ADAMTSL2: variants seen among roughly 807,000 people sequenced by gnomAD.
ADAMTSL2 encodes the protein ADAMTS like 2.
A neutral mutation model predicts 117.0 loss-of-function variants in ADAMTSL2; 55 were observed. The ratio of observed to expected loss-of-function variants is 0.47; its 90% confidence interval spans 0.38 to 0.59. ADAMTSL2 has a LOEUF of 0.59. ADAMTSL2 is among the 20% of genes least tolerant of loss of function. The pLI, the probability that ADAMTSL2 is intolerant of heterozygous loss-of-function variation, is 0.00. For missense variants in ADAMTSL2, 1,182 were observed against 1,354.5 expected (o/e 0.87, Z 2.00); for synonymous variants, 572 against 566.4 (o/e 1.01, Z -0.14).
In ADAMTSL2 at chr9:133,561,144, T is replaced by C; in HGVS notation, c.1650-54T>C. ...CTCCCTCGCCTGAAAAGCCGGAGCC[T>C]GCCGGTGGGGCCTGGAGCGTCTCAT... On this transcript the variant is annotated intron_variant, in intron 11 of 18. Coordinates refer to ENST00000651351, the MANE Select transcript of ADAMTSL2 (RefSeq NM_014694.4). 4.7e-6 allele frequency: 7 copies of C among 1,480,316 alleles called. No individual in the cohort carries two copies. The South Asian group carries it at 8.4e-5, about 18-fold the overall frequency. The allele number at this position is 1,480,316 out of a possible 1,614,324, so 91.7% of individuals were successfully genotyped here.
intron 5 of ADAMTSL2, 148 bp downstream of exon 5, chr9:133,540,021 T>A (rs762650481): frequency 3.9e-6 from 3 of 764,036 alleles, no homozygotes; most frequent in Non-Finnish European, 6.7e-6. Context: ...CTGGGTCTCC[T>A]GAGCCCTGGC....
At position 133,559,190 on chromosome 9, in the gene ADAMTSL2, C is replaced by T. The variant is rs1384056743; in HGVS notation, c.1650-2008C>T. Among the ~76,000 whole-genome samples the T allele has an allele frequency of 3.3e-5, 5 of 152,260 alleles. No homozygotes were observed. The East Asian group carries it at 5.8e-4, about 18-fold the overall frequency. Reference sequence around the variant, plus strand: ...CAGCACAGTTTAGTGTTTTCTGAATCGAACATTAAGGACTGGTCTTCCGGG... The same window carrying T: ...CAGCACAGTTTAGTGTTTTCTGAATTGAACATTAAGGACTGGTCTTCCGGG... On this transcript the variant is annotated intron_variant, in intron 11 of 18. Coordinates refer to ENST00000651351, the MANE Select transcript of ADAMTSL2 (RefSeq NM_014694.4).
chr9:133,538,689 G>T (rs2131093853), intron 4 of ADAMTSL2, among the ~76,000 whole-genome samples: 1 of 152,272 alleles, frequency 6.6e-6, no homozygotes, highest in South Asian at 2.1e-4. Context: ...GGAACTTCAA[G>T]TGCAGCCTCA....
At chr9:133,538,927 A>T (rs541724907) in intron 4 of ADAMTSL2, among the ~76,000 whole-genome samples, 137 of 151,684 alleles carry the variant, frequency 9.0e-4, no homozygotes, top group Admixed American at 3.9e-3. Context: ...GGCAGCTCTC[A>T]GTGGGGCCCT....
intron 3 of ADAMTSL2, 140 bp downstream of exon 3, chr9:133,537,687 C>A (rs1321078974): frequency 5.9e-6 from 6 of 1,010,692 alleles, no homozygotes; most frequent in Non-Finnish European, 7.6e-6. Context: ...CTGAGTCCCC[C>A]CATCAGCCTC....
At chr9:133,566,171 G>A (rs1830968380) in intron 12 of ADAMTSL2, among the ~76,000 whole-genome samples, 1 of 152,248 alleles carries the variant, frequency 6.6e-6, no homozygotes, top group Admixed American at 6.5e-5. Context: ...GCCTGGCGCG[G>A]TGGCTCACGC....
At chr9:133,539,485 C>T (rs565585809) in intron 4 of ADAMTSL2, among the ~76,000 whole-genome samples, 44 of 152,342 alleles carry the variant, frequency 2.9e-4, no homozygotes, top group Admixed American at 7.8e-4. Context: ...TCCCCTCCAC[C>T]GCAAGGCTGG....
intron 9 of ADAMTSL2, among the ~76,000 whole-genome samples, chr9:133,549,748 G>C (rs1830439925): frequency 6.6e-6 from 1 of 152,104 alleles, no homozygotes; most frequent in South Asian, 2.1e-4. Flanking sequence ...CCATGCTGCT[G>C]GTCTCTTGGC....
upstream of ADAMTSL2, among the ~76,000 whole-genome samples, chr9:133,533,239 A>T (rs1829979046): frequency 6.6e-6 from 1 of 151,442 alleles, no homozygotes; most frequent in African/African-American, 2.4e-5. Context: ...CAGCACAGCG[A>T]CCCCAGGGGG....
intron 17 of ADAMTSL2, 24 bp downstream of exon 17, chr9:133,570,531 G>C: frequency 6.2e-7 from 1 of 1,600,318 alleles, no homozygotes. Context: ...CGGCCCCTCT[G>C]AGGTTGCCTG....
chr9:133,538,752 T>C (rs1452647991), intron 4 of ADAMTSL2, among the ~76,000 whole-genome samples: 1 of 152,176 alleles, frequency 6.6e-6, no homozygotes, highest in Admixed American at 6.5e-5. Context: ...TTCGTGCACC[T>C]GGTGCTCACA....
Position 133,554,568 on chromosome 9 carries a change from G to C in ADAMTSL2, c.1151G>C (p.Arg384Pro). 5.8e-6 allele frequency: 9 copies of C among 1,546,724 alleles called. No homozygotes were observed. The highest frequency in any genetic ancestry group is 7.9e-6 in the Non-Finnish European group (9 of 1,146,056). The stretch of plus-strand genomic sequence containing the variant: ...TCAGAGCGGCTGGGCCTGGACAACC[G>C]GCTGTTCGGCCACCCGGGCCTGGAC... ...ASSERLGLDN[R>P]LFGHPGLDME... is the part of the protein sequence containing the mutation. The change falls in exon 10 of 19, where the codon CGG becomes CCG. Residue 384 changes from arginine to proline, a missense_variant. Physicochemically the swap from Arg to Pro is moderately radical, Grantham distance 103. Transcript: ENST00000651351. This position sits in a 1 kb window ranked among gnomAD's most constrained non-coding sequence, Gnocchi z 5.2.
At chr9:133,549,815 G>A (rs11535670) in intron 9 of ADAMTSL2, among the ~76,000 whole-genome samples, 32,233 of 152,152 alleles carry the variant, frequency 0.21, 3,679 homozygotes, top group South Asian at 0.31. Flanking sequence ...TGAAACTGTT[G>A]CTTCGTCTTT....
Position 133,554,226 on chromosome 9 carries a change from G to A in ADAMTSL2, c.940-131G>A. The A allele has an allele frequency of 1.2e-6, 1 of 850,424 alleles. No individual in the cohort carries two copies. The highest frequency in any genetic ancestry group is 2.5e-5 in the Admixed American group (1 of 39,486). 52.7% of individuals were successfully genotyped at this position (850,424 alleles called of 1,614,324 possible). ...ACTGCGTTGGGCTGGGCTAGTCAGTGTCATTCCCTGAGGGGGCTCAACTGC... is the reference window on the plus strand; with the variant it reads ...ACTGCGTTGGGCTGGGCTAGTCAGTATCATTCCCTGAGGGGGCTCAACTGC... On this transcript the variant is annotated intron_variant, in intron 9 of 18. Coordinates refer to ENST00000651351, the MANE Select transcript of ADAMTSL2 (RefSeq NM_014694.4). This position sits in a 1 kb window ranked among gnomAD's most constrained non-coding sequence, Gnocchi z 5.2.
Position 133,570,432 on chromosome 9 carries a change from C to T in ADAMTSL2, c.2517C>T (p.Leu839=). The T allele has an allele frequency of 2.5e-6, 4 of 1,606,678 alleles. No homozygotes were observed. Among genetic ancestry groups the T allele is most frequent in the African/African-American group, 1.3e-5 (1 of 74,856 alleles). ...CGCGCAGTGGCCCCGAGTGCGGGCTCGCCAAGAAGCCTCCCGAGGAGAGCA... is the reference window on the plus strand; with the variant it reads ...CGCGCAGTGGCCCCGAGTGCGGGCTTGCCAAGAAGCCTCCCGAGGAGAGCA... ...PQTRSGPECG[L]AKKPPEESTC... Residue 839 remains leucine (L), a synonymous_variant, in exon 17 of 19, where the codon CTC becomes CTT. Transcript: ENST00000651351.
chr9:133,533,698 T>C (rs1270287959), upstream of ADAMTSL2, among the ~76,000 whole-genome samples: 1 of 152,170 alleles, frequency 6.6e-6, no homozygotes, highest in Non-Finnish European at 1.5e-5. Context: ...ACAAGTTTCT[T>C]CCAGCAGGGA....
At position 133,540,864 on chromosome 9, in the gene ADAMTSL2, CTCCCTT is replaced by C. The variant is rs1830205875; in HGVS notation, c.559-13_559-8del. ...GCGCCCTCCCAGCAGCCCTCTCCCT[CTCCCTT>C]CCTGCAGCCCATCGGCTGTGACGGG... On this transcript the variant is annotated splice_region_variant and splice_polypyrimidine_tract_variant and intron_variant, in intron 6 of 18. Coordinates refer to ENST00000651351, the MANE Select transcript of ADAMTSL2 (RefSeq NM_014694.4). 6.2e-7 allele frequency: 1 copy of C among 1,613,278 alleles called. No homozygotes were observed. The highest frequency in any genetic ancestry group is 1.7e-5 in the Admixed American group (1 of 60,008).
intron 8 of ADAMTSL2, among the ~76,000 whole-genome samples, chr9:133,545,310 G>T (rs1053283724): frequency 3.3e-5 from 5 of 152,184 alleles, no homozygotes; most frequent in Non-Finnish European, 7.3e-5. Context: ...CACAGGTGCA[G>T]CCCCAAACCT....
rs1054899720 is a variant in ADAMTSL2, at chr9:133,567,050, A to T, written c.1862A>T (p.Glu621Val). The change falls in exon 13 of 19, where the codon GAG becomes GTG. Residue 621 changes from glutamate to valine, a missense_variant. This residue lies in a region of ADAMTSL2 where 465 missense variants were observed against 565.3 expected (regional missense o/e 0.82). Transcript: ENST00000651351. ...GTCCACGAGTTCTGCGCTGGGAGGG[A>T]GTGCCAGCCCAGGTACCTGCCACCA... ...EPVHEFCAGR[E>V]CQPRWETSSW... is the part of the protein sequence containing the mutation. 1.9e-6 allele frequency: 3 copies of T among 1,608,504 alleles called. No individual in the cohort carries two copies. In the African/African-American group the frequency reaches 4.0e-5, roughly 21 times the overall value.
Sources: allele counts gnomAD v4.1 joint callset (sites outside exome capture counted in the v4.1 genomes callset), GRCh38; gene constraint gnomAD v4.1.1; regional missense constraint gnomAD v4.1.1; non-coding constraint Gnocchi (gnomAD v3.1); transcripts MANE v1.5; gene names NCBI Gene and HGNC (gene_info 2026-07-23, HGNC 2026-07-21).